The following AFAP1L2 variants were observed in gnomAD, a reference collection of about 807,000 sequenced individuals.
AFAP1L2 encodes the protein actin filament-associated protein 1-like 2.
Under a neutral mutation model 99.3 loss-of-function variants are expected in AFAP1L2, and 46 were observed. The observed-to-expected ratio is 0.46, with a 90% confidence interval of 0.37 to 0.59. The LOEUF (loss-of-function observed/expected upper bound fraction) is 0.59, where lower values mean the gene tolerates loss of function less well. AFAP1L2 is among the 20% of genes least tolerant of loss of function. The pLI is 0.00. For synonymous variants in AFAP1L2, 397 were observed against 419.1 expected (o/e 0.95, Z 0.64); for missense variants, 959 against 1,034.9 (o/e 0.93, Z 1.01).
At chr10:114,391,891 G>A (rs530845114) in intron 1 of AFAP1L2, among the ~76,000 whole-genome samples, 10 of 152,320 alleles carry the variant, frequency 6.6e-5, no homozygotes, top group African/African-American at 2.2e-4. Context: ...AAATAGGAAT[G>A]AGCCAGGTAC....
In AFAP1L2 at chr10:114,313,863, G is replaced by A. The variant is rs200360595; in HGVS notation, c.792+8C>T. ...GAACCCCTCCAAGTGGCTCGGTGTCGCCCTCACCCTGAGCCACTGCTCAGC... is the reference window on the plus strand; with the variant it reads ...GAACCCCTCCAAGTGGCTCGGTGTCACCCTCACCCTGAGCCACTGCTCAGC... On this transcript the variant is annotated splice_region_variant and intron_variant, in intron 7 of 18. Transcript: ENST00000304129. The A allele has an allele frequency of 6.9e-5, 110 of 1,589,240 alleles. No individual in the cohort carries two copies. The highest frequency in any genetic ancestry group is 6.3e-4 in the East Asian group (28 of 44,368).
intron 1 of AFAP1L2, among the ~76,000 whole-genome samples, chr10:114,350,547 C>G (rs2050311320): frequency 6.6e-6 from 1 of 152,174 alleles, no homozygotes; most frequent in African/African-American, 2.4e-5. Context: ...AAACCTCCTC[C>G]TATTTAAAGG....
chr10:114,302,497 CA>C lies in AFAP1L2; in HGVS notation c.1285-14del. 1 of 1,613,704 alleles carries C rather than the reference CA, an allele frequency of 6.2e-7. No individual in the cohort carries two copies. Among genetic ancestry groups the C allele is most frequent in the Non-Finnish European group, 8.5e-7 (1 of 1,179,960 alleles). ...CGGAAGACTTGGCCTGGAACGAGGC[CA>C]AGAGAGACATAAGCAGGGCCAGGCA... is the stretch of plus-strand genomic sequence containing the variant. On this transcript the variant is annotated splice_polypyrimidine_tract_variant and intron_variant, in intron 11 of 18. Transcript: ENST00000304129.
downstream of AFAP1L2, among the ~76,000 whole-genome samples, chr10:114,293,432 T>C (rs2039784040): frequency 6.6e-6 from 1 of 152,222 alleles, no homozygotes; most frequent in Non-Finnish European, 1.5e-5. Context: ...TCGACTTACA[T>C]AGTAAGGGCC....
At chr10:114,326,904 G>A (rs952949680) in intron 4 of AFAP1L2, among the ~76,000 whole-genome samples, 27 of 151,448 alleles carry the variant, frequency 1.8e-4, no homozygotes, top group African/African-American at 5.3e-4. Flanking sequence ...AAAGTTTTGC[G>A]TATATGTGTT....
At chr10:114,336,787 G>A (rs1713010619) in intron 2 of AFAP1L2, among the ~76,000 whole-genome samples, 1 of 152,150 alleles carries the variant, frequency 6.6e-6, no homozygotes, top group Non-Finnish European at 1.5e-5. Context: ...AGGGAGCCAA[G>A]CCCTCAATAA....
chr10:114,347,454 T>C (rs1438774877), intron 1 of AFAP1L2, among the ~76,000 whole-genome samples: 1 of 152,138 alleles, frequency 6.6e-6, no homozygotes, highest in Non-Finnish European at 1.5e-5. Flanking sequence ...GAAAGTGGGA[T>C]TTTTTTCTTA....
At chr10:114,301,647 C>G (rs1284769033) in intron 12 of AFAP1L2, 182 bp from the exon 13 acceptor site, 1 of 578,628 alleles carries the variant, frequency 1.7e-6, no homozygotes, top group Non-Finnish European at 3.1e-6. Context: ...CCAGTGCCTT[C>G]TTCCTGAAAT....
chr10:114,308,217 GA>G (rs1190874637), intron 9 of AFAP1L2, among the ~76,000 whole-genome samples: 1 of 152,162 alleles, frequency 6.6e-6, no homozygotes, highest in East Asian at 1.9e-4. Context: ...TAGCAAACAA[GA>G]AGAGATGGAA....
At chr10:114,326,012 C>T (rs1242659608) in intron 4 of AFAP1L2, 6 of 1,236,992 alleles carry the variant, frequency 4.9e-6, no homozygotes, top group Non-Finnish European at 5.2e-6. Context: ...GCTCTGGGCA[C>T]CCGAGATCTG....
intron 1 of AFAP1L2, among the ~76,000 whole-genome samples, chr10:114,371,797 C>A (rs2054143466): frequency 7.8e-6 from 1 of 128,936 alleles, no homozygotes; most frequent in African/African-American, 3.0e-5. Flanking sequence ...TATCCCAGGA[C>A]TTAAAGTACA....
the AFAP1L2 span, chr10:114,286,075 T>TGAG: frequency 6.2e-7 from 1 of 1,614,088 alleles, no homozygotes; most frequent in Non-Finnish European, 8.5e-7. Flanking sequence ...GCGAGGACTC[T>TGAG]CGGGCCCGAG....
chr10:114,397,436 T>A (rs535464594), intron 1 of AFAP1L2, among the ~76,000 whole-genome samples: 2 of 152,318 alleles, frequency 1.3e-5, no homozygotes, highest in Non-Finnish European at 2.9e-5. Flanking sequence ...GATCTGCCAG[T>A]TTTTAAGCCT....
At chr10:114,333,412 C>T in intron 2 of AFAP1L2, 117 bp from the exon 3 acceptor site, 1 of 727,248 alleles carries the variant, frequency 1.4e-6, no homozygotes, top group Non-Finnish European at 2.4e-6. Context: ...TAAAAGCACA[C>T]AGCATTTTCA....
At chr10:114,285,073 C>A in the AFAP1L2 span, 1 of 914,800 alleles carries the variant, frequency 1.1e-6, no homozygotes, top group Non-Finnish European at 1.6e-6. Flanking sequence ...AGAAACTGGC[C>A]CTTGAACCAT....
At chr10:114,389,304 T>C (rs2056867897) in intron 1 of AFAP1L2, among the ~76,000 whole-genome samples, 1 of 152,160 alleles carries the variant, frequency 6.6e-6, no homozygotes, top group Non-Finnish European at 1.5e-5. Context: ...GAAATAGAGA[T>C]GATGGAACAA....
intron 1 of AFAP1L2, among the ~76,000 whole-genome samples, chr10:114,391,006 T>C (rs61868312): frequency 0.018 from 2,711 of 152,240 alleles, 33 homozygotes; most frequent in Middle Eastern, 0.044. Flanking sequence ...CTATGTACAT[T>C]CATGCCTTTT....
intron 1 of AFAP1L2, among the ~76,000 whole-genome samples, chr10:114,351,813 G>T (rs2050544284): frequency 6.6e-6 from 1 of 152,142 alleles, no homozygotes; most frequent in South Asian, 2.1e-4. Flanking sequence ...TCTTGATCTT[G>T]CAAGAAGCAG....
intron 1 of AFAP1L2, among the ~76,000 whole-genome samples, chr10:114,391,742 A>G (rs1251265068): frequency 1.1e-4 from 16 of 152,236 alleles, no homozygotes; most frequent in Admixed American, 1.0e-3. Context: ...GTGAGCCTTG[A>G]CAAACGTGCT....
Sources: allele counts gnomAD v4.1 joint callset (sites outside exome capture counted in the v4.1 genomes callset), GRCh38; gene constraint gnomAD v4.1.1; transcripts MANE v1.5; gene names NCBI Gene and HGNC (gene_info 2026-07-23, HGNC 2026-07-21).